Variants in C8orf74 observed in about 807,000 individuals in gnomAD.
C8orf74 encodes uncharacterized protein C8orf74.
Under a neutral mutation model 22.2 loss-of-function variants are expected in C8orf74, and 29 were observed. The ratio of observed to expected loss-of-function variants is 1.31; its 90% CI spans 0.97 to 1.78. The LOEUF is 1.78. Among genes scored for constraint, C8orf74 ranks in the 40% most tolerant of loss-of-function variants. The pLI is 0.00. For missense variants in C8orf74, 515 were observed against 369.9 expected, an observed-to-expected ratio of 1.39 and a Z score of -3.22; for synonymous variants, 255 against 163.1, an observed-to-expected ratio of 1.56 and a Z score of -4.30.
intron 2 of C8orf74, among the ~76,000 whole-genome samples, chr8:10,694,448 G>T (rs116726814): frequency 6.6e-6 from 1 of 152,080 alleles, no homozygotes; most frequent in Non-Finnish European, 1.5e-5. Flanking sequence ...AATTTTGAAG[G>T]CTTCAATATT....
chr8:10,678,334 A>C (rs1162430326), intron 2 of C8orf74, among the ~76,000 whole-genome samples: 2 of 152,228 alleles, frequency 1.3e-5, no homozygotes, highest in Non-Finnish European at 2.9e-5. Context: ...AGCCCACAGC[A>C]TGGTGCTCGG....
At chr8:10,683,995 C>G (rs1799209323) in intron 2 of C8orf74, among the ~76,000 whole-genome samples, 1 of 152,180 alleles carries the variant, frequency 6.6e-6, no homozygotes, top group Non-Finnish European at 1.5e-5. Flanking sequence ...TGCTAAGGAG[C>G]CGGCCCTCCC....
At position 10,689,942 on chromosome 8, in the gene C8orf74, G is replaced by A. The variant is rs114761896; in HGVS notation, c.242-7657G>A. 9.0e-3 allele frequency among the ~76,000 whole-genome samples: 1,368 copies of A among 152,212 alleles called. 23 individuals are homozygous for A. The highest frequency in any genetic ancestry group is 0.031 in the African/African-American group (1,296 of 41,520). On this transcript the variant is annotated intron_variant, in intron 2 of 3. Coordinates refer to ENST00000304519, the MANE Select transcript of C8orf74 (RefSeq NM_001040032.2). The stretch of plus-strand genomic sequence containing the variant: ...AGAAAATCTATGTGTAAGTGGACCC[G>A]CAGGAGTGTCTGGAGGCCAAAAGTT...
At chr8:10,687,454 A>G (rs1311962863) in intron 2 of C8orf74, among the ~76,000 whole-genome samples, 7 of 152,086 alleles carry the variant, frequency 4.6e-5, no homozygotes. Flanking sequence ...GTTCAAGACC[A>G]GCCTGACCAA....
At chr8:10,697,479 A>G in intron 2 of C8orf74, 120 bp from the exon 3 acceptor site, 1 of 775,888 alleles carries the variant, frequency 1.3e-6, no homozygotes, top group Middle Eastern at 2.6e-4. Context: ...AATATTTTTT[A>G]AAAATGCAGT....
At chr8:10,696,416 T>TTTTC (rs1799499453) in intron 2 of C8orf74, among the ~76,000 whole-genome samples, 1 of 143,316 alleles carries the variant, frequency 7.0e-6, no homozygotes, top group African/African-American at 2.9e-5. Flanking sequence ...CCACTCTTTT[T>TTTTC]TTTTCTTTTC....
At chr8:10,685,715 T>C (rs180910052) in intron 2 of C8orf74, among the ~76,000 whole-genome samples, 119 of 152,322 alleles carry the variant, frequency 7.8e-4, no homozygotes, top group Non-Finnish European at 1.3e-3. Context: ...TGGAGATGGA[T>C]GGCAGTGATG....
chr8:10,688,642 G>A (rs1382673370), intron 2 of C8orf74: 2 of 152,280 alleles, frequency 1.3e-5, no homozygotes, highest in Admixed American at 6.5e-5. Flanking sequence ...CAAGTCACAG[G>A]GCAGGAGGAT....
Position 10,698,007 on chromosome 8 carries a change from T to TG in C8orf74, c.648+3dup. The TG allele has an allele frequency of 6.8e-7, 1 of 1,469,796 alleles. No individual in the cohort carries two copies. Among genetic ancestry groups the TG allele is most frequent in the Non-Finnish European group, 9.0e-7 (1 of 1,113,784 alleles). 91.0% of individuals were successfully genotyped at this position (1,469,796 alleles called of 1,614,324 possible). ...CCCGGCCAGGTCCTGGAGAGACAGG[T>TG]GAGGCTCTGCCCCCCTGCCGTGGGT... On this transcript the variant is annotated splice_region_variant and intron_variant, in intron 3 of 3. Coordinates refer to ENST00000304519, the MANE Select transcript of C8orf74 (RefSeq NM_001040032.2).
At chr8:10,687,087 C>A (rs955588016) in intron 2 of C8orf74, 3 of 456,128 alleles carry the variant, frequency 6.6e-6, no homozygotes, top group African/African-American at 6.0e-5. Flanking sequence ...CAGGTTCAGT[C>A]CAGGAGCCCA....
At chr8:10,696,245 G>A (rs1391289374) in intron 2 of C8orf74, among the ~76,000 whole-genome samples, 1 of 151,930 alleles carries the variant, frequency 6.6e-6, no homozygotes, top group Non-Finnish European at 1.5e-5. Context: ...AAGGGGAGAG[G>A]AGGAGAGAAG....
intron 2 of C8orf74, chr8:10,675,837 A>G (rs1799021190): frequency 6.6e-6 from 1 of 152,228 alleles, no homozygotes; most frequent in South Asian, 2.1e-4. Context: ...AGAGCCCAGC[A>G]AAGACTGATA....
Position 10,700,286 on chromosome 8 carries a change from C to CAGG in C8orf74, c.703_705dup (p.Glu235dup), listed in dbSNP as rs1799626537. ...AGTCCACACCCAGATGGAGCTCCTG[C>CAGG]AGGAGCTGCTGCAGCGCCAGATCCA... On this transcript the variant is annotated inframe_insertion, in exon 4 of 4. Coordinates refer to ENST00000304519, the MANE Select transcript of C8orf74 (RefSeq NM_001040032.2). The CAGG allele has an allele frequency of 3.1e-6, 5 of 1,613,448 alleles. No homozygotes were observed. The East Asian group carries it at 1.1e-4, about 36-fold the overall frequency.
intron 1 of C8orf74, among the ~76,000 whole-genome samples, chr8:10,673,353 A>C (rs1214614885): frequency 1.3e-5 from 2 of 152,132 alleles, no homozygotes; most frequent in African/African-American, 4.8e-5. Context: ...TGAACTCTCA[A>C]GTAAAATGGG....
intron 2 of C8orf74, chr8:10,686,712 G>C (rs1203237004): frequency 1.9e-5 from 3 of 161,366 alleles, no homozygotes; most frequent in Non-Finnish European, 2.7e-5. Flanking sequence ...TAAAGTAATA[G>C]TAATAAAAAG....
At chr8:10,698,349 C>T (rs537382159) in intron 3 of C8orf74, among the ~76,000 whole-genome samples, 1 of 151,992 alleles carries the variant, frequency 6.6e-6, no homozygotes, top group Non-Finnish European at 1.5e-5. Flanking sequence ...CCAAGAGAGG[C>T]AGGAAAAAGA....
chr8:10,693,962 C>T (rs1799437526), intron 2 of C8orf74, among the ~76,000 whole-genome samples: 3 of 152,220 alleles, frequency 2.0e-5, no homozygotes. Context: ...CGACAACAAG[C>T]CTCACCTTGC....
At chr8:10,678,372 C>T (rs972763361) in intron 2 of C8orf74, among the ~76,000 whole-genome samples, 6 of 152,092 alleles carry the variant, frequency 3.9e-5, no homozygotes, top group African/African-American at 9.7e-5. Context: ...GTGAGTGGCA[C>T]CTTTATTTTT....
intron 2 of C8orf74, among the ~76,000 whole-genome samples, chr8:10,696,840 A>G (rs527887786): frequency 6.6e-6 from 1 of 152,072 alleles, no homozygotes; most frequent in East Asian, 1.9e-4. Context: ...GCACAGCGAA[A>G]GTAACTCTTT....
Sources: allele counts gnomAD v4.1 joint callset (sites outside exome capture counted in the v4.1 genomes callset), GRCh38; gene constraint gnomAD v4.1.1; transcripts MANE v1.5; gene names NCBI Gene and HGNC (gene_info 2026-07-23, HGNC 2026-07-21).